The following TTC39C variants were observed in gnomAD, a reference collection of about 807,000 sequenced individuals.
TTC39C encodes tetratricopeptide repeat domain 39C, also known as tetratricopeptide repeat protein 39C.
A neutral mutation model predicts 76.3 loss-of-function variants in TTC39C; 33 were observed. The ratio of observed to expected loss-of-function variants is 0.43; its 90% CI spans 0.33 to 0.58. The LOEUF (loss-of-function observed/expected upper bound fraction) is 0.58, where lower values mean the gene tolerates loss of function less well. TTC39C is among the 20% of genes least tolerant of loss of function. The pLI is 0.04. For missense variants in TTC39C, 595 were observed against 701.4 expected (o/e 0.85, Z 1.71); for synonymous variants, 254 against 260.6 (o/e 0.97, Z 0.24).
intron 8 of TTC39C, among the ~76,000 whole-genome samples, chr18:24,120,064 G>A (rs1429329738): frequency 6.6e-6 from 1 of 151,958 alleles, no homozygotes; most frequent in Admixed American, 6.6e-5. Context: ...ATTTTGTAGA[G>A]AGGATAAGAT....
chr18:23,998,361 C>T (rs1011886550), intron 1 of TTC39C, among the ~76,000 whole-genome samples: 1 of 152,196 alleles, frequency 6.6e-6, no homozygotes, highest in Non-Finnish European at 1.5e-5. Context: ...CAGTGGCTCA[C>T]GCCTGTAATC....
chr18:24,013,758 G>A (rs1465332967), upstream of TTC39C, among the ~76,000 whole-genome samples: 2 of 152,196 alleles, frequency 1.3e-5, no homozygotes, highest in African/African-American at 4.8e-5. Context: ...ACATAAAGAT[G>A]ATTTATGAAT....
intron 1 of TTC39C, among the ~76,000 whole-genome samples, chr18:24,028,127 C>T (rs1315281646): frequency 2.0e-5 from 3 of 151,848 alleles, no homozygotes; most frequent in African/African-American, 7.3e-5. Context: ...AATTACTCCT[C>T]TTGAAATAGC....
chr18:24,116,678 C>T (rs1198809223), intron 7 of TTC39C, among the ~76,000 whole-genome samples: 1 of 152,174 alleles, frequency 6.6e-6, no homozygotes, highest in Non-Finnish European at 1.5e-5. Flanking sequence ...TCAGTTTACA[C>T]AATTACTTAG....
chr18:24,023,984 A>ATCTATATCTATATCTATATCTATATC (rs1568409030), intron 1 of TTC39C, among the ~76,000 whole-genome samples: 1 of 5,720 alleles, frequency 1.7e-4, no homozygotes, highest in Non-Finnish European at 6.2e-4. Flanking sequence ...ATATATACAT[A>ATCTATATCTATATCTATATCTATATC]TATATATATA....
chr18:24,050,796 C>G (rs1203563685), intron 1 of TTC39C, among the ~76,000 whole-genome samples: 1 of 150,386 alleles, frequency 6.6e-6, no homozygotes, highest in Admixed American at 6.6e-5. Context: ...TGCTTGAACC[C>G]GGGATGCGAA....
Position 24,114,652 on chromosome 18 carries a change from A to T in TTC39C, c.1078+5A>T, listed in dbSNP as rs760195200. Reference sequence around the variant, plus strand: ...ATGTCTGTCTGTATGAAATTGGTAAATATGAAATGTCTGTCCAGCCTCTTG... The same window carrying T: ...ATGTCTGTCTGTATGAAATTGGTAATTATGAAATGTCTGTCCAGCCTCTTG... On this transcript the variant is annotated splice_donor_5th_base_variant and intron_variant, in intron 7 of 13. Coordinates refer to ENST00000317571, the MANE Select transcript of TTC39C (RefSeq NM_001135993.2). 1 of 1,600,210 alleles carries T rather than the reference A, an allele frequency of 6.2e-7. No individual in the cohort carries two copies. Among genetic ancestry groups the T allele is most frequent in the African/African-American group, 1.3e-5 (1 of 74,628 alleles).
chr18:24,004,975 A>T (rs991540431), intron 1 of TTC39C, among the ~76,000 whole-genome samples: 1 of 152,240 alleles, frequency 6.6e-6, no homozygotes, highest in African/African-American at 2.4e-5. Context: ...TAGATCATAT[A>T]TGAGATAATG....
rs536413525 is a variant in TTC39C, at chr18:24,038,017, G to A, written c.167+22979G>A. ...ATCAGCACTTGCTATGCTATGCTAC[G>A]CATCCTTATGCCCTGAGTTGTCAGA... On this transcript the variant is annotated intron_variant, in intron 1 of 13. Transcript: ENST00000317571. 1.1e-4 allele frequency among the ~76,000 whole-genome samples: 17 copies of A among 152,274 alleles called. No individual in the cohort carries two copies. The South Asian group carries it at 1.9e-3, about 17-fold the overall frequency.
intron 6 of TTC39C, among the ~76,000 whole-genome samples, chr18:24,083,297 G>C (rs2084399706): frequency 6.6e-6 from 1 of 152,096 alleles, no homozygotes; most frequent in South Asian, 2.1e-4. Flanking sequence ...GCGAAGTAGG[G>C]GTAAGATTCC....
intron 4 of TTC39C, among the ~76,000 whole-genome samples, chr18:24,075,600 C>T (rs2084294934): frequency 6.6e-6 from 1 of 151,186 alleles, no homozygotes; most frequent in South Asian, 2.1e-4. Flanking sequence ...GGAAGAATCA[C>T]CTGAGCTTGG....
At position 24,052,207 on chromosome 18, in the gene TTC39C, G is replaced by A. The variant is rs549366628; in HGVS notation, c.168-11933G>A. ...AAATATGGTGACAAGGGATGATGAC[G>A]TGAGTCAGAGTAAACACCATTTACT... On this transcript the variant is annotated intron_variant, in intron 1 of 13. Coordinates refer to ENST00000317571, the MANE Select transcript of TTC39C (RefSeq NM_001135993.2). 2.2e-4 allele frequency among the ~76,000 whole-genome samples: 33 copies of A among 152,272 alleles called. 1 individual carries two copies. In the South Asian group the frequency reaches 5.8e-3, roughly 27 times the overall value.
At chr18:24,040,195 T>C (rs1251565443) in intron 1 of TTC39C, among the ~76,000 whole-genome samples, 2 of 152,226 alleles carry the variant, frequency 1.3e-5, no homozygotes, top group African/African-American at 2.4e-5. Flanking sequence ...ATGATTAACG[T>C]CAAATAAACA....
intron 1 of TTC39C, among the ~76,000 whole-genome samples, chr18:24,001,868 C>T (rs1460393151): frequency 7.7e-6 from 1 of 130,570 alleles, no homozygotes; most frequent in Non-Finnish European, 1.5e-5. Flanking sequence ...CTCTGTGGCC[C>T]AGGCGGGAGT....
chr18:24,068,257 A>G (rs1272695478), intron 3 of TTC39C, among the ~76,000 whole-genome samples: 1 of 152,224 alleles, frequency 6.6e-6, no homozygotes, highest in African/African-American at 2.4e-5. Flanking sequence ...ACAAACGAGG[A>G]AACAGAAGCA....
intron 6 of TTC39C, among the ~76,000 whole-genome samples, chr18:24,101,433 C>T (rs192419219): frequency 4.1e-4 from 63 of 152,214 alleles, no homozygotes; most frequent in Non-Finnish European, 7.6e-4. Context: ...ACAGGGAAAC[C>T]CCGTCTCTAC....
At chr18:24,119,414 G>A (rs570941399) in intron 8 of TTC39C, among the ~76,000 whole-genome samples, 2 of 152,200 alleles carry the variant, frequency 1.3e-5, no homozygotes, top group Admixed American at 6.5e-5. Context: ...TATTCTTAAC[G>A]TTCAGATTTA....
chr18:24,063,566 G>A (rs1448135171), intron 1 of TTC39C, among the ~76,000 whole-genome samples: 1 of 145,052 alleles, frequency 6.9e-6, no homozygotes, highest in African/African-American at 2.6e-5. Flanking sequence ...AGGCTGGAGT[G>A]CAGTGGTGTG....
intron 6 of TTC39C, among the ~76,000 whole-genome samples, chr18:24,091,853 G>A (rs992750710): frequency 3.3e-5 from 5 of 152,090 alleles, no homozygotes; most frequent in African/African-American, 1.2e-4. Flanking sequence ...ACTTTGGGAA[G>A]CCAAGGCGGA....
Sources: allele counts gnomAD v4.1 joint callset (sites outside exome capture counted in the v4.1 genomes callset), GRCh38; gene constraint gnomAD v4.1.1; transcripts MANE v1.5; gene names NCBI Gene and HGNC (gene_info 2026-07-23, HGNC 2026-07-21).